UBE4B: variants seen among roughly 807,000 people sequenced by gnomAD.
UBE4B encodes the protein ubiquitin conjugation factor E4 B.
A neutral mutation model predicts 148.1 loss-of-function variants in UBE4B; 27 were observed. The ratio of observed to expected loss-of-function variants is 0.18; its 90% CI spans 0.13 to 0.25. The LOEUF is 0.25. Ranked by LOEUF, UBE4B falls within the 10% of genes least tolerant of loss-of-function variation. The probability of loss-of-function intolerance (pLI) is 1.00; values close to 1 mark genes in which losing one functional copy is unlikely to be tolerated. For missense variants in UBE4B, 1,170 were observed against 1,662.4 expected (o/e 0.70, Z 5.15); for synonymous variants, 596 against 619.3 (o/e 0.96, Z 0.56).
intron 5 of UBE4B, among the ~76,000 whole-genome samples, chr1:10,103,940 T>G (rs1036547981): frequency 9.3e-5 from 14 of 150,186 alleles, no homozygotes; most frequent in Admixed American, 3.3e-4. Flanking sequence ...TTTTGTAGTT[T>G]TAGTAGAGAC....
intron 2 of UBE4B, among the ~76,000 whole-genome samples, chr1:10,085,020 T>C (rs958002324): frequency 6.6e-6 from 1 of 152,146 alleles, no homozygotes; most frequent in Non-Finnish European, 1.5e-5. Flanking sequence ...CAGTTTCCAG[T>C]TGGAATCCAA....
chr1:10,044,257 G>A (rs1287990290), intron 1 of UBE4B, among the ~76,000 whole-genome samples: 1 of 151,728 alleles, frequency 6.6e-6, no homozygotes, highest in East Asian at 1.9e-4. Flanking sequence ...TTTTACTCTT[G>A]TTGTCCAGGC....
In UBE4B at chr1:10,179,450, G is replaced by A. The variant is rs1646474248; in HGVS notation, c.3735G>A (p.Val1245=). ...PLMDTLMTDP[V]RLPSGTIMDR... ...TGGACACCCTCATGACAGACCCCGT[G>A]CGGCTGCCCTCTGGCACCATCATGG... The change falls in exon 27 of 28, where the codon GTG becomes GTA. Residue 1245 remains valine, a synonymous_variant. Transcript: ENST00000343090. 6.2e-7 allele frequency: 1 copy of A among 1,613,856 alleles called. No homozygotes were observed. Among genetic ancestry groups the A allele is most frequent in the South Asian group, 1.1e-5 (1 of 91,070 alleles).
chr1:10,171,757 T>C (rs1646342638), intron 25 of UBE4B, among the ~76,000 whole-genome samples: 1 of 152,158 alleles, frequency 6.6e-6, no homozygotes, highest in Admixed American at 6.6e-5. Flanking sequence ...GGTGCATGCC[T>C]GTAATCACAG....
chr1:10,161,324 G>A lies in UBE4B; in HGVS notation c.3198+38G>A. On this transcript the variant is annotated intron_variant, in intron 23 of 27. Transcript: ENST00000343090. This position sits in a 1 kb window ranked among gnomAD's most constrained non-coding sequence, Gnocchi z 4.1. ...TCCAGAGGCTTGGACAGCTTTGCAG[G>A]CCATCTGCCTCCACACACGGGCAGA... 8 of 1,601,296 alleles carry A rather than the reference G, an allele frequency of 5.0e-6. No homozygotes were observed. The highest frequency in any genetic ancestry group is 6.8e-6 in the Non-Finnish European group (8 of 1,171,320).
Position 10,130,767 on chromosome 1 carries a change from C to T in UBE4B, c.1865C>T (p.Thr622Ile), listed in dbSNP as rs1645580088. The T allele has an allele frequency of 1.2e-6, 2 of 1,614,160 alleles. No homozygotes were observed. Among genetic ancestry groups the T allele is most frequent in the Non-Finnish European group, 8.5e-7 (1 of 1,180,032 alleles). ...FSGPAITLEN[T>I]RVVSQSLQHY... ...GGGCCTGCCATTACCCTGGAAAACACTCGTGTGGTTAGCCAATCATTGCAG... is the reference window on the plus strand; with the variant it reads ...GGGCCTGCCATTACCCTGGAAAACATTCGTGTGGTTAGCCAATCATTGCAG... Residue 622 changes from threonine (T) to isoleucine (I), a missense_variant, in exon 14 of 28, where the codon ACT becomes ATT. Thr to Ile is a moderately conservative substitution (Grantham distance 89, BLOSUM62 -1). Transcript: ENST00000343090.
At chr1:10,061,456 C>T (rs1489797065) in intron 1 of UBE4B, among the ~76,000 whole-genome samples, 1 of 152,112 alleles carries the variant, frequency 6.6e-6, no homozygotes, top group Non-Finnish European at 1.5e-5. Context: ...GGGGTTTCAC[C>T]ATCTTGACCA....
intron 1 of UBE4B, among the ~76,000 whole-genome samples, chr1:10,052,090 G>A (rs1644058298): frequency 1.3e-5 from 2 of 148,258 alleles, no homozygotes; most frequent in Non-Finnish European, 3.0e-5. Context: ...TTTTTGAGAC[G>A]GGGTCTTGCT....
intron 25 of UBE4B, among the ~76,000 whole-genome samples, chr1:10,173,475 G>A (rs1163338045): frequency 7.2e-6 from 1 of 139,298 alleles, no homozygotes; most frequent in Non-Finnish European, 1.5e-5. Context: ...GAGCAAGACT[G>A]TCTCAAAAAA....
At chr1:10,167,457 A>AATAAT (rs1244799298) in intron 23 of UBE4B, among the ~76,000 whole-genome samples, 1 of 150,040 alleles carries the variant, frequency 6.7e-6, no homozygotes, top group African/African-American at 2.4e-5. Flanking sequence ...TAATAATAAT[A>AATAAT]ATAATAATAA....
chr1:10,149,666 C>G (rs771746053), intron 20 of UBE4B, among the ~76,000 whole-genome samples: 18 of 152,128 alleles, frequency 1.2e-4, no homozygotes, highest in Non-Finnish European at 2.4e-4. Flanking sequence ...TTGGAGAATG[C>G]TTACCAAGAA....
intron 2 of UBE4B, among the ~76,000 whole-genome samples, chr1:10,081,836 G>T (rs1309123161): frequency 6.6e-6 from 1 of 151,766 alleles, no homozygotes; most frequent in Non-Finnish European, 1.5e-5. Context: ...TGGGCTGCCC[G>T]CTTCGGCCTC....
chr1:10,069,284 AT>A (rs1378812757), intron 1 of UBE4B, among the ~76,000 whole-genome samples: 1 of 152,146 alleles, frequency 6.6e-6, no homozygotes, highest in East Asian at 1.9e-4. Context: ...TGTTCAGTGC[AT>A]TTTTCTAGTA....
intron 4 of UBE4B, among the ~76,000 whole-genome samples, chr1:10,101,846 A>C (rs1376516055): frequency 6.6e-6 from 1 of 152,142 alleles, no homozygotes; most frequent in Admixed American, 6.6e-5. Context: ...TCACATCTTT[A>C]GCAGTATTCT....
intron 2 of UBE4B, among the ~76,000 whole-genome samples, chr1:10,083,036 A>G (rs1023971430): frequency 1.3e-5 from 2 of 151,890 alleles, no homozygotes; most frequent in Admixed American, 1.3e-4. Flanking sequence ...TATGTACCAC[A>G]CTTTTTTTAA....
intron 25 of UBE4B, among the ~76,000 whole-genome samples, chr1:10,175,495 C>CAA (rs376879441): frequency 1.3e-5 from 2 of 149,376 alleles, no homozygotes; most frequent in Non-Finnish European, 3.0e-5. Flanking sequence ...ACTAAAAATA[C>CAA]AAAAAATTAG....
In UBE4B at chr1:10,129,388, C is replaced by G. The variant is rs1227855542; in HGVS notation, c.1639-4C>G. On this transcript the variant is annotated splice_polypyrimidine_tract_variant and splice_region_variant and intron_variant, in intron 11 of 27. Coordinates refer to ENST00000343090, the MANE Select transcript of UBE4B (RefSeq NM_001105562.3). The stretch of plus-strand genomic sequence containing the variant: ...CATTTAAATGACTCTGATCTTATTT[C>G]TAGGCACTAGGTGAGCTCTGTGAAA... 2 of 1,609,634 alleles carry G rather than the reference C, an allele frequency of 1.2e-6. No individual in the cohort carries two copies. Among genetic ancestry groups the G allele is most frequent in the Admixed American group, 1.7e-5 (1 of 59,982 alleles).
chr1:10,072,470 T>C (rs1226144459), intron 2 of UBE4B: 1 of 711,848 alleles, frequency 1.4e-6, no homozygotes, highest in South Asian at 1.5e-5. Flanking sequence ...GTATTATCTC[T>C]GATGACAAGA....
At chr1:10,066,227 C>G (rs1644385846) in intron 1 of UBE4B, among the ~76,000 whole-genome samples, 1 of 151,944 alleles carries the variant, frequency 6.6e-6, no homozygotes, top group South Asian at 2.1e-4. Flanking sequence ...CCTTGACCTC[C>G]TGCCTCAGTC....
Sources: gnomAD v4.1 joint callset for allele counts (sites outside exome capture counted in the v4.1 genomes callset) on GRCh38, gnomAD v4.1.1 for gene constraint, Gnocchi (gnomAD v3.1) non-coding constraint, MANE v1.5 for transcripts, NCBI Gene and HGNC (gene_info 2026-07-23, HGNC 2026-07-21) for gene names.